The following HHIP variants were observed in gnomAD, a reference collection of about 807,000 sequenced individuals.
HHIP encodes hedgehog interacting protein, also known as hedgehog-interacting protein.
HHIP carries 12 observed loss-of-function variants against 74.0 expected under a neutral mutation model. The ratio of observed to expected loss-of-function variants is 0.16; its 90% CI spans 0.10 to 0.26. The LOEUF is 0.26. HHIP is among the 10% of genes least tolerant of loss of function. The probability of loss-of-function intolerance (pLI) is 1.00; values close to 1 mark genes in which losing one functional copy is unlikely to be tolerated. For missense variants in HHIP, 788 were observed against 845.0 expected (o/e 0.93, Z 0.84); for synonymous variants, 309 against 311.6 (o/e 0.99, Z 0.09).
intron 4 of HHIP, among the ~76,000 whole-genome samples, chr4:144,694,434 T>C (rs62343968): frequency 0.047 from 7,105 of 151,850 alleles, 449 homozygotes; most frequent in East Asian, 0.24. Flanking sequence ...AGAGTAACAA[T>C]AGAAATACAT....
intron 4 of HHIP, among the ~76,000 whole-genome samples, chr4:144,669,688 A>G (rs1728978847): frequency 6.6e-6 from 1 of 152,216 alleles, no homozygotes; most frequent in African/African-American, 2.4e-5. Context: ...AGCAGTTGAA[A>G]TAATTTAATC....
intron 12 of HHIP, among the ~76,000 whole-genome samples, chr4:144,735,253 G>A (rs188233901): frequency 2.6e-5 from 4 of 152,208 alleles, no homozygotes; most frequent in South Asian, 2.1e-4. Flanking sequence ...CTCTCCAAGC[G>A]CTAGCATTTT....
intron 4 of HHIP, 51 bp downstream of exon 4, chr4:144,659,889 T>C: frequency 7.3e-7 from 1 of 1,370,268 alleles, no homozygotes; most frequent in South Asian, 1.2e-5. Flanking sequence ...TTAATTTTAT[T>C]TTAGTGTTAC....
intron 4 of HHIP, among the ~76,000 whole-genome samples, chr4:144,675,415 A>G (rs181918635): frequency 1.4e-3 from 216 of 152,196 alleles, no homozygotes; most frequent in African/African-American, 5.0e-3. Flanking sequence ...TTTAAGGAAT[A>G]ATAAATACAA....
intron 4 of HHIP, among the ~76,000 whole-genome samples, chr4:144,691,437 T>A (rs749764243): frequency 6.6e-6 from 1 of 152,166 alleles, no homozygotes; most frequent in African/African-American, 2.4e-5. Context: ...GCAAGGCAAT[T>A]GGTTGATGTT....
At chr4:144,713,233 A>AT (rs1195715870) in intron 8 of HHIP, among the ~76,000 whole-genome samples, 1 of 152,138 alleles carries the variant, frequency 6.6e-6, no homozygotes, top group African/African-American at 2.4e-5. Context: ...GCACAGAAAG[A>AT]TTAATTGTCA....
intron 4 of HHIP, among the ~76,000 whole-genome samples, chr4:144,703,518 C>T (rs1197691379): frequency 6.6e-6 from 1 of 152,114 alleles, no homozygotes. Context: ...CAGTTAGTAA[C>T]ATTGGCACCA....
intron 4 of HHIP, among the ~76,000 whole-genome samples, chr4:144,680,552 T>C (rs1370641228): frequency 6.6e-6 from 1 of 152,206 alleles, no homozygotes; most frequent in Non-Finnish European, 1.5e-5. Flanking sequence ...AAGATCTCTA[T>C]GTAGGAACTT....
At chr4:144,709,601 C>T (rs115908609) in intron 7 of HHIP, among the ~76,000 whole-genome samples, 9 of 152,156 alleles carry the variant, frequency 5.9e-5, no homozygotes, top group Non-Finnish European at 1.2e-4. Flanking sequence ...AAGCAGAAGA[C>T]GATTTAATAA....
rs778665577 is a variant in HHIP at position 144,714,317 on chromosome 4, T to C, written c.1516T>C (p.Tyr506His). ...CCGGGGCTGCCAGTCAGAAAGATTG[T>C]ATGGAAGCTACGTGTTTGGAGATCG... ...VYRGCQSERL[Y>H]GSYVFGDRNG... The change falls in exon 9 of 13, where the codon TAT (tyrosine) becomes CAT (histidine). Residue 506 changes from tyrosine (Y) to histidine (H), a missense_variant. Physicochemically the swap from Tyr to His is moderately conservative, Grantham distance 83. Transcript: ENST00000296575. 6.8e-6 allele frequency: 11 copies of C among 1,613,460 alleles called. No individual in the cohort carries two copies. The Admixed American group carries it at 1.2e-4, about 17-fold the overall frequency.
intron 4 of HHIP, among the ~76,000 whole-genome samples, chr4:144,687,747 G>C (rs994094277): frequency 5.5e-5 from 7 of 128,418 alleles, no homozygotes; most frequent in Non-Finnish European, 6.4e-5. Context: ...ATAACTTTTG[G>C]CAACTTTTTT....
chr4:144,715,542 T>G lies in HHIP; in HGVS notation c.1678+112T>G, dbSNP rs1014270525. ...TCTTATCCTCTACTTGTTGGAAATG[T>G]AATCCACAGCAAAGATGACCTACTC... is the stretch of plus-strand genomic sequence containing the variant. On this transcript the variant is annotated intron_variant, in intron 10 of 12. Transcript: ENST00000296575. The G allele has an allele frequency of 1.6e-5, 16 of 1,027,390 alleles. No homozygotes were observed. The African/African-American group carries it at 2.2e-4, about 14-fold the overall frequency. The allele number at this position is 1,027,390 out of a possible 1,614,324, so 63.6% of individuals were successfully genotyped here.
chr4:144,669,188 G>T (rs1436312457), intron 4 of HHIP, among the ~76,000 whole-genome samples: 3 of 152,118 alleles, frequency 2.0e-5, no homozygotes, highest in Non-Finnish European at 4.4e-5. Context: ...ATAATCAAAA[G>T]TGTTTTCAAA....
intron 4 of HHIP, among the ~76,000 whole-genome samples, chr4:144,701,945 T>G (rs2126647394): frequency 6.6e-6 from 1 of 152,290 alleles, no homozygotes; most frequent in East Asian, 1.9e-4. Context: ...GAGAATGTTG[T>G]CTTTTAAATG....
chr4:144,679,082 T>G (rs2126617833), intron 4 of HHIP, among the ~76,000 whole-genome samples: 1 of 152,338 alleles, frequency 6.6e-6, no homozygotes, highest in Middle Eastern at 3.4e-3. Flanking sequence ...CTAACTGGCG[T>G]GAGATGATAT....
intron 4 of HHIP, among the ~76,000 whole-genome samples, chr4:144,661,812 T>G (rs1429242663): frequency 6.6e-6 from 1 of 152,228 alleles, no homozygotes; most frequent in Non-Finnish European, 1.5e-5. Flanking sequence ...TTGTCAATAA[T>G]CATTTTGCAT....
At chr4:144,670,614 A>G (rs776199795) in intron 4 of HHIP, among the ~76,000 whole-genome samples, 1 of 151,534 alleles carries the variant, frequency 6.6e-6, no homozygotes, top group Non-Finnish European at 1.5e-5. Flanking sequence ...ATAAAATGGC[A>G]TCTGTCCTCA....
intron 12 of HHIP, among the ~76,000 whole-genome samples, chr4:144,736,233 T>C (rs1731117031): frequency 6.7e-6 from 1 of 150,282 alleles, no homozygotes; most frequent in Non-Finnish European, 1.5e-5. Context: ...CCTCCTGGGT[T>C]CAAGTGATTC....
At chr4:144,674,715 A>G (rs1729129246) in intron 4 of HHIP, among the ~76,000 whole-genome samples, 1 of 152,196 alleles carries the variant, frequency 6.6e-6, no homozygotes, top group African/African-American at 2.4e-5. Flanking sequence ...CACCACACAC[A>G]AAGAATTTAA....
Sources: allele counts gnomAD v4.1 joint callset (sites outside exome capture counted in the v4.1 genomes callset), GRCh38; gene constraint gnomAD v4.1.1; transcripts MANE v1.5; gene names NCBI Gene and HGNC (gene_info 2026-07-23, HGNC 2026-07-21).